UNC5D: variants seen among roughly 807,000 people sequenced by gnomAD.
The protein encoded by UNC5D is unc-5 netrin receptor D.
In UNC5D, 39 loss-of-function variants were observed where a neutral mutation model predicts 105.4. That is an observed-to-expected ratio of 0.37 (90% CI 0.29 to 0.48). The LOEUF is 0.48. Ranked by LOEUF, UNC5D falls within the 20% of genes least tolerant of loss-of-function variation. The pLI is 0.98. For missense variants in UNC5D, 991 were observed against 1,202.4 expected, an observed-to-expected ratio of 0.82 and a Z score of 2.60; for synonymous variants, 452 against 450.4, an observed-to-expected ratio of 1.00 and a Z score of -0.04.
At position 35,731,021 on chromosome 8, in the gene UNC5D, T is replaced by A; in HGVS notation, c.1691T>A (p.Leu564Ter). The change falls in exon 11 of 17, where the codon TTA becomes TAA. Residue 564 changes from leucine to a stop codon, truncating the protein, a stop_gained. Transcript: ENST00000404895. LOFTEE classifies it high-confidence loss of function. ...GCTTTTTCTGTTTTAGGGGTGAGCT[T>A]ACTCATACCACACGGTGCCATCCCA... ...RLVMPNTGVS[L>*]LIPHGAIPEE... The A allele has an allele frequency of 6.2e-7, 1 of 1,613,876 alleles. No individual in the cohort carries two copies. The highest frequency in any genetic ancestry group is 8.5e-7 in the Non-Finnish European group (1 of 1,179,826).
intron 8 of UNC5D, among the ~76,000 whole-genome samples, chr8:35,716,043 T>C (rs1475245507): frequency 6.6e-6 from 1 of 152,162 alleles, no homozygotes; most frequent in Non-Finnish European, 1.5e-5. Context: ...CATCAGTTTT[T>C]TGATGATGCC....
chr8:35,648,858 T>C (rs1823235294), intron 4 of UNC5D, among the ~76,000 whole-genome samples: 1 of 152,232 alleles, frequency 6.6e-6, no homozygotes. Context: ...GGGTATGATA[T>C]TGTGTCAAGG....
intron 1 of UNC5D, among the ~76,000 whole-genome samples, chr8:35,530,890 A>G (rs1586061696): frequency 7.4e-6 from 1 of 134,672 alleles, no homozygotes; most frequent in East Asian, 2.1e-4. Flanking sequence ...ATTGGTGGTG[A>G]TATCCCCTTT....
chr8:35,364,540 T>C (rs879425321), intron 1 of UNC5D, among the ~76,000 whole-genome samples: 2 of 152,128 alleles, frequency 1.3e-5, no homozygotes, highest in African/African-American at 4.8e-5. Flanking sequence ...TATTACAGAA[T>C]AGTATTTGGA....
chr8:35,423,199 G>T (rs1387810903), intron 1 of UNC5D, among the ~76,000 whole-genome samples: 1 of 152,172 alleles, frequency 6.6e-6, no homozygotes, highest in Non-Finnish European at 1.5e-5. Flanking sequence ...AGAGAACATG[G>T]TTGTGTTGAG....
intron 8 of UNC5D, among the ~76,000 whole-genome samples, chr8:35,716,825 T>C (rs1489411147): frequency 2.0e-5 from 3 of 152,218 alleles, no homozygotes; most frequent in Non-Finnish European, 4.4e-5. Context: ...TATTTTCTGA[T>C]GCATCAAATT....
intron 8 of UNC5D, among the ~76,000 whole-genome samples, chr8:35,712,350 T>A (rs1376418792): frequency 6.6e-6 from 1 of 152,194 alleles, no homozygotes; most frequent in African/African-American, 2.4e-5. Context: ...TGTACAATTG[T>A]CCCATACAAA....
intron 1 of UNC5D, among the ~76,000 whole-genome samples, chr8:35,377,074 C>T (rs1383364804): frequency 6.6e-6 from 1 of 152,206 alleles, no homozygotes; most frequent in African/African-American, 2.4e-5. Context: ...GGCTTTTTCA[C>T]AAGAGCACAC....
At chr8:35,264,397 T>G (rs951476772) in intron 1 of UNC5D, among the ~76,000 whole-genome samples, 1 of 108,374 alleles carries the variant, frequency 9.2e-6, no homozygotes, top group East Asian at 3.1e-4. Context: ...TGATTATTCA[T>G]GTGGCTGCAC....
Position 35,447,757 on chromosome 8 carries a change from G to T in UNC5D, c.104-101535G>T, listed in dbSNP as rs567325885. Among the ~76,000 whole-genome samples, 7 of 152,000 alleles carry T rather than the reference G, an allele frequency of 4.6e-5. 1 individual carries two copies. The highest frequency in any genetic ancestry group is 1.0e-4 in the Non-Finnish European group (7 of 67,980). On this transcript the variant is annotated intron_variant, in intron 1 of 16. Transcript: ENST00000404895. ...ACATAGCAAGGAAAAAATTACTTTA[G>T]TGCATTTATTATTCATCCTCTACCC...
rs919781508 is a variant in UNC5D at position 35,557,331 on chromosome 8, T to TGA, written c.322+7822_322+7823insAG. 1.8e-3 allele frequency among the ~76,000 whole-genome samples: 271 copies of TGA among 152,278 alleles called. 3 individuals are homozygous for TGA. Among genetic ancestry groups the TGA allele is most frequent in the African/African-American group, 6.2e-3 (259 of 41,562 alleles). Reference sequence around the variant, plus strand: ...ACTCGCGGTGCTTCTGAGGAATACGTGGAGTGCTTATTATCCTGGGAAAAC... The same window carrying TGA: ...ACTCGCGGTGCTTCTGAGGAATACGTGAGGAGTGCTTATTATCCTGGGAAAAC... On this transcript the variant is annotated intron_variant, in intron 2 of 16. Transcript: ENST00000404895.
At chr8:35,345,363 C>T (rs1277278347) in intron 1 of UNC5D, among the ~76,000 whole-genome samples, 1 of 151,866 alleles carries the variant, frequency 6.6e-6, no homozygotes, top group Non-Finnish European at 1.5e-5. Context: ...CTAGAAAATA[C>T]TTGAGCCTTT....
intron 7 of UNC5D, among the ~76,000 whole-genome samples, chr8:35,692,779 C>T (rs1041504628): frequency 6.6e-6 from 1 of 152,220 alleles, no homozygotes; most frequent in Non-Finnish European, 1.5e-5. Flanking sequence ...GGCCATGAAG[C>T]ATCCTACTGC....
chr8:35,557,056 A>G (rs963916696), intron 2 of UNC5D, among the ~76,000 whole-genome samples: 25 of 152,236 alleles, frequency 1.6e-4, no homozygotes, highest in African/African-American at 6.0e-4. Flanking sequence ...AGGATTGGAA[A>G]TCATGACCAT....
intron 1 of UNC5D, among the ~76,000 whole-genome samples, chr8:35,522,124 C>T (rs1813527869): frequency 6.6e-6 from 1 of 152,182 alleles, no homozygotes; most frequent in African/African-American, 2.4e-5. Context: ...ATCCTACTAT[C>T]TTCATAAAAT....
intron 4 of UNC5D, among the ~76,000 whole-genome samples, chr8:35,601,688 G>A (rs1296749006): frequency 2.0e-5 from 3 of 152,188 alleles, no homozygotes; most frequent in Non-Finnish European, 4.4e-5. Context: ...ATCAGCTTAA[G>A]GAGATTTTGG....
intron 1 of UNC5D, among the ~76,000 whole-genome samples, chr8:35,465,123 G>T (rs954555218): frequency 6.6e-6 from 1 of 152,196 alleles, no homozygotes; most frequent in Non-Finnish European, 1.5e-5. Context: ...GGGCGCGGTG[G>T]CTCATGCCTG....
At chr8:35,467,091 A>T (rs1470827276) in intron 1 of UNC5D, among the ~76,000 whole-genome samples, 1 of 152,190 alleles carries the variant, frequency 6.6e-6, no homozygotes, top group African/African-American at 2.4e-5. Flanking sequence ...GGGTGAAAAC[A>T]TTTGTGATAC....
At chr8:35,358,672 CTGTATCA>C (rs2128916035) in intron 1 of UNC5D, among the ~76,000 whole-genome samples, 2 of 152,274 alleles carry the variant, frequency 1.3e-5, no homozygotes, top group East Asian at 3.9e-4. Context: ...TTCCTGTCTG[CTGTATCA>C]TGTATTTAAA....
Sources: allele counts gnomAD v4.1 joint callset (sites outside exome capture counted in the v4.1 genomes callset), GRCh38; gene constraint gnomAD v4.1.1; transcripts MANE v1.5; gene names NCBI Gene and HGNC (gene_info 2026-07-23, HGNC 2026-07-21).